The following ELAPOR2 variants were observed in gnomAD, a reference collection of about 807,000 sequenced individuals.
ELAPOR2 encodes endosome-lysosome associated apoptosis and autophagy regulator family member 2.
ELAPOR2 carries 89 observed loss-of-function variants against 120.7 expected under a neutral mutation model. The ratio of observed to expected loss-of-function variants is 0.74; its 90% CI spans 0.62 to 0.88. ELAPOR2 has a LOEUF of 0.88. ELAPOR2 is among the 40% of genes least tolerant of loss of function. The pLI, the probability that ELAPOR2 is intolerant of heterozygous loss-of-function variation, is 0.00. For synonymous variants in ELAPOR2, 444 were observed against 444.9 expected (o/e 1.00, Z 0.03); for missense variants, 1,134 against 1,251.6 (o/e 0.91, Z 1.42).
intron 5 of ELAPOR2, chr7:86,941,249 C>T: frequency 2.1e-6 from 1 of 484,994 alleles, no homozygotes; most frequent in South Asian, 1.5e-5. Flanking sequence ...AGCAAATTGC[C>T]TAAAGAAACA....
rs925000928 is a variant in ELAPOR2, at chr7:86,999,464, A to G, written c.190-34440T>C. ...TAAGTGAAATATTCTATAAGTTATC[A>G]TCTTGACAATTCAACTACAAAAATG... On this transcript the variant is annotated intron_variant, in intron 1 of 21. Coordinates refer to ENST00000450689, the MANE Select transcript of ELAPOR2 (RefSeq NM_001142749.3). Among the ~76,000 whole-genome samples the G allele has an allele frequency of 2.6e-5, 4 of 152,302 alleles. No individual in the cohort carries two copies. The East Asian group carries it at 7.7e-4, about 29-fold the overall frequency.
At chr7:86,982,430 T>C (rs1792537410) in intron 1 of ELAPOR2, among the ~76,000 whole-genome samples, 1 of 152,170 alleles carries the variant, frequency 6.6e-6, no homozygotes, top group Non-Finnish European at 1.5e-5. Context: ...ACACCTCATA[T>C]AGGTGGGTGC....
chr7:86,881,324 G>A (rs1414788898), intron 21 of ELAPOR2, among the ~76,000 whole-genome samples: 3 of 150,902 alleles, frequency 2.0e-5, no homozygotes, highest in Non-Finnish European at 4.4e-5. Flanking sequence ...AGCCTCCCGA[G>A]TAGCTGGGAC....
chr7:87,006,709 A>G (rs1421716599), intron 1 of ELAPOR2, among the ~76,000 whole-genome samples: 2 of 152,176 alleles, frequency 1.3e-5, no homozygotes, highest in Non-Finnish European at 1.5e-5. Flanking sequence ...ATTTTACCCA[A>G]AAGATATAAA....
intron 1 of ELAPOR2, among the ~76,000 whole-genome samples, chr7:86,987,237 A>C (rs1403126711): frequency 6.6e-6 from 1 of 152,254 alleles, no homozygotes; most frequent in Non-Finnish European, 1.5e-5. Flanking sequence ...TAAAACCATA[A>C]AAACCCTAGA....
rs145515233 is a variant in ELAPOR2, at chr7:86,891,594, T to A, written c.3030+130A>T. On this transcript the variant is annotated intron_variant, in intron 21 of 21. Transcript: ENST00000450689. ...TCTATATCATGTGCTTCTAAGAGTA[T>A]TTCTGTTGGATAAATACCCACTGAG... 29 of 682,668 alleles carry A rather than the reference T, an allele frequency of 4.2e-5. 1 individual carries two copies. The East Asian group carries it at 7.9e-4, about 19-fold the overall frequency. The allele number at this position is 682,668 out of a possible 1,614,324, so 42.3% of individuals were successfully genotyped here.
chr7:87,053,495 G>A (rs1268740624), intron 1 of ELAPOR2, among the ~76,000 whole-genome samples: 2 of 152,100 alleles, frequency 1.3e-5, no homozygotes, highest in African/African-American at 4.8e-5. Context: ...CTTTTTCCAG[G>A]TAAATGCAGA....
At chr7:86,982,914 A>G (rs1792560251) in intron 1 of ELAPOR2, among the ~76,000 whole-genome samples, 1 of 152,178 alleles carries the variant, frequency 6.6e-6, no homozygotes, top group Non-Finnish European at 1.5e-5. Flanking sequence ...TTTCAAACCC[A>G]TCGCAAGGAA....
chr7:86,916,784 T>C (rs1473658887), intron 12 of ELAPOR2, among the ~76,000 whole-genome samples: 3 of 151,984 alleles, frequency 2.0e-5, no homozygotes, highest in Non-Finnish European at 4.4e-5. Flanking sequence ...GGGATAGCTT[T>C]GTTGTTCAAG....
chr7:86,970,689 T>C (rs1175074875), intron 1 of ELAPOR2, among the ~76,000 whole-genome samples: 1 of 152,174 alleles, frequency 6.6e-6, no homozygotes, highest in East Asian at 1.9e-4. Flanking sequence ...CATTATTAAG[T>C]ACATGAGCAC....
At chr7:86,928,234 G>C (rs1242330487) in intron 8 of ELAPOR2, among the ~76,000 whole-genome samples, 3 of 151,834 alleles carry the variant, frequency 2.0e-5, no homozygotes, top group African/African-American at 7.3e-5. Flanking sequence ...GGCTGCTCCT[G>C]CTGGGGATTC....
intron 1 of ELAPOR2, among the ~76,000 whole-genome samples, chr7:87,042,592 C>G (rs1794821448): frequency 6.6e-6 from 1 of 152,054 alleles, no homozygotes; most frequent in Non-Finnish European, 1.5e-5. Flanking sequence ...ACCAGAATCT[C>G]TGGGATGCAT....
At chr7:86,951,959 T>C (rs1263359399) in intron 2 of ELAPOR2, among the ~76,000 whole-genome samples, 2 of 152,162 alleles carry the variant, frequency 1.3e-5, no homozygotes, top group African/African-American at 4.8e-5. Flanking sequence ...ATTGGCACTA[T>C]ACTTGGAGGG....
intron 13 of ELAPOR2, 103 bp downstream of exon 13, chr7:86,914,620 A>G: frequency 2.2e-6 from 2 of 911,812 alleles, no homozygotes; most frequent in Non-Finnish European, 3.2e-6. Context: ...TTTTTTAAAA[A>G]GCAGTCCTTT....
chr7:86,917,320 G>A (rs1425429485), intron 12 of ELAPOR2, among the ~76,000 whole-genome samples: 10 of 152,046 alleles, frequency 6.6e-5, no homozygotes, highest in Admixed American at 6.6e-4. Flanking sequence ...TCAGAAGACA[G>A]GCAGGAGAAT....
chr7:86,882,009 T>C (rs80016323), intron 21 of ELAPOR2, among the ~76,000 whole-genome samples: 1,529 of 152,290 alleles, frequency 0.01, 15 homozygotes, highest in Middle Eastern at 0.02. Flanking sequence ...GACAGGATTA[T>C]AGAAAAACAT....
At chr7:87,046,963 A>C (rs952555376) in intron 1 of ELAPOR2, among the ~76,000 whole-genome samples, 2 of 152,252 alleles carry the variant, frequency 1.3e-5, no homozygotes, top group African/African-American at 4.8e-5. Context: ...TAACCAAAAT[A>C]GCATGATACT....
At chr7:86,946,847 T>A (rs1181079811) in intron 3 of ELAPOR2, among the ~76,000 whole-genome samples, 3 of 152,150 alleles carry the variant, frequency 2.0e-5, no homozygotes, top group Non-Finnish European at 4.4e-5. Context: ...TCCCACAACA[T>A]CCTACTAGTA....
At chr7:86,899,478 G>A (rs1047871867) in intron 18 of ELAPOR2, among the ~76,000 whole-genome samples, 11 of 151,876 alleles carry the variant, frequency 7.2e-5, no homozygotes, top group Non-Finnish European at 1.2e-4. Context: ...AAATAGTAAG[G>A]GAAATTTAAA....
Sources: gnomAD v4.1 joint callset for allele counts (sites outside exome capture counted in the v4.1 genomes callset) on GRCh38, gnomAD v4.1.1 for gene constraint, MANE v1.5 for transcripts, NCBI Gene and HGNC (gene_info 2026-07-23, HGNC 2026-07-21) for gene names.